Variants in ZNF804B observed in about 807,000 individuals in gnomAD.
The protein encoded by ZNF804B is zinc finger protein 804B.
ZNF804B carries 80 observed loss-of-function variants against 101.4 expected under a neutral mutation model. The ratio of observed to expected loss-of-function variants is 0.79; its 90% confidence interval spans 0.66 to 0.95. The LOEUF is 0.95. Among genes scored for constraint, ZNF804B ranks in the 40% least tolerant of loss-of-function variants. ZNF804B has a pLI of 0.00. For missense variants in ZNF804B, 1,673 were observed against 1,561.9 expected (o/e 1.07, Z -1.20); for synonymous variants, 622 against 558.8 (o/e 1.11, Z -1.59).
intron 1 of ZNF804B, among the ~76,000 whole-genome samples, chr7:88,935,334 A>G (rs1792950276): frequency 1.3e-5 from 2 of 149,614 alleles, no homozygotes; most frequent in Non-Finnish European, 1.5e-5. Flanking sequence ...ACCAAAAACT[A>G]CCTCTACTCA....
chr7:88,882,858 A>T (rs1015514508), intron 1 of ZNF804B, among the ~76,000 whole-genome samples: 3 of 152,066 alleles, frequency 2.0e-5, no homozygotes, highest in Non-Finnish European at 2.9e-5. Flanking sequence ...GGACTATTAC[A>T]GCGGGGAAGG....
intron 1 of ZNF804B, among the ~76,000 whole-genome samples, chr7:89,154,906 A>T (rs1790933816): frequency 6.6e-6 from 1 of 152,012 alleles, no homozygotes; most frequent in Non-Finnish European, 1.5e-5. Flanking sequence ...GTGTTACAGG[A>T]TTTTTTGTAA....
intron 1 of ZNF804B, among the ~76,000 whole-genome samples, chr7:88,881,333 C>A (rs1245525655): frequency 6.6e-6 from 1 of 152,034 alleles, no homozygotes; most frequent in Non-Finnish European, 1.5e-5. Flanking sequence ...GATTATATTG[C>A]TGAGTTAGCA....
At chr7:88,810,783 T>C (rs564403327) in intron 1 of ZNF804B, among the ~76,000 whole-genome samples, 1 of 152,296 alleles carries the variant, frequency 6.6e-6, no homozygotes, top group Admixed American at 6.5e-5. Context: ...AACCTTCCAA[T>C]CTTCAGCATT....
intron 1 of ZNF804B, among the ~76,000 whole-genome samples, chr7:89,073,282 C>T (rs1339969571): frequency 1.3e-5 from 2 of 151,966 alleles, no homozygotes; most frequent in African/African-American, 4.8e-5. Context: ...TAAATTTTCA[C>T]CTTGTATTTT....
chr7:89,273,375 G>T (rs1424890748), intron 2 of ZNF804B, among the ~76,000 whole-genome samples: 1 of 152,058 alleles, frequency 6.6e-6, no homozygotes, highest in African/African-American at 2.4e-5. Context: ...CATCTCAAGG[G>T]TTATAGATGA....
At chr7:88,936,755 A>G (rs1252850675) in intron 1 of ZNF804B, among the ~76,000 whole-genome samples, 1 of 152,056 alleles carries the variant, frequency 6.6e-6, no homozygotes, top group Non-Finnish European at 1.5e-5. Context: ...AGGGAACTTC[A>G]TAAATAGAGT....
At chr7:89,280,968 C>G (rs1790085416) in intron 2 of ZNF804B, among the ~76,000 whole-genome samples, 1 of 152,122 alleles carries the variant, frequency 6.6e-6, no homozygotes, top group South Asian at 2.1e-4. Flanking sequence ...AATCTTTGTT[C>G]TACCATCAGT....
At chr7:89,212,716 G>GTC (rs1788824228) in intron 1 of ZNF804B, among the ~76,000 whole-genome samples, 1 of 152,150 alleles carries the variant, frequency 6.6e-6, no homozygotes, top group Non-Finnish European at 1.5e-5. Flanking sequence ...TGTCTTAGGT[G>GTC]TCTTAGGAGA....
Position 89,336,533 on chromosome 7 carries a change from C to A in ZNF804B, c.3551C>A (p.Ala1184Glu), listed in dbSNP as rs543371024. Residue 1184 changes from alanine (A) to glutamate (E), a missense_variant, in exon 4 of 4, where the codon GCA becomes GAA. Physicochemically the swap from Ala to Glu is moderately radical, Grantham distance 107. Coordinates refer to ENST00000333190, the MANE Select transcript of ZNF804B (RefSeq NM_181646.5). The stretch of plus-strand genomic sequence containing the variant: ...AAGCATCTTCGAGTTTTGCCTGCTG[C>A]AGGGCCTACTGCCTTCTCTCCGGCC... ...LSKHLRVLPA[A>E]GPTAFSPAST... 6.2e-7 allele frequency: 1 copy of A among 1,614,092 alleles called. No individual in the cohort carries two copies. The highest frequency in any genetic ancestry group is 2.2e-5 in the East Asian group (1 of 44,864).
intron 1 of ZNF804B, among the ~76,000 whole-genome samples, chr7:89,008,742 T>A (rs147180695): frequency 2.4e-4 from 37 of 152,232 alleles, no homozygotes; most frequent in African/African-American, 8.4e-4. Flanking sequence ...CATCTTTCAC[T>A]CAGAGCACTG....
At chr7:89,119,216 C>T (rs1036183336) in intron 1 of ZNF804B, among the ~76,000 whole-genome samples, 1 of 152,054 alleles carries the variant, frequency 6.6e-6, no homozygotes, top group Non-Finnish European at 1.5e-5. Context: ...GCATGTCAGG[C>T]TTATCAAGGG....
chr7:89,149,642 C>G (rs1490456566), intron 1 of ZNF804B, among the ~76,000 whole-genome samples: 1 of 151,864 alleles, frequency 6.6e-6, no homozygotes, highest in Admixed American at 6.6e-5. Context: ...AGTTTCATTA[C>G]TTAACATATA....
chr7:88,819,394 G>T (rs1206232777), intron 1 of ZNF804B, among the ~76,000 whole-genome samples: 8 of 152,116 alleles, frequency 5.3e-5, no homozygotes, highest in Admixed American at 5.2e-4. Context: ...GCCTCCCAAA[G>T]TGCTGGAATT....
intron 1 of ZNF804B, among the ~76,000 whole-genome samples, chr7:88,885,575 A>G (rs541180991): frequency 3.3e-5 from 5 of 151,026 alleles, no homozygotes; most frequent in African/African-American, 1.2e-4. Flanking sequence ...ATGCAGATGT[A>G]CAAAGAACAA....
intron 1 of ZNF804B, among the ~76,000 whole-genome samples, chr7:88,894,295 C>A (rs1005418831): frequency 4.0e-5 from 6 of 151,626 alleles, no homozygotes; most frequent in African/African-American, 1.5e-4. Context: ...CTTATTGCAA[C>A]CTCTGCCTCC....
chr7:89,272,122 C>CCATTCTCCCAACATAT (rs1789907969), intron 2 of ZNF804B, among the ~76,000 whole-genome samples: 1 of 152,082 alleles, frequency 6.6e-6, no homozygotes, highest in Middle Eastern at 3.4e-3. Flanking sequence ...GAGAAATTTG[C>CCATTCTCCCAACATAT]CATTCTCCCA....
intron 1 of ZNF804B, among the ~76,000 whole-genome samples, chr7:89,184,212 C>G (rs1484178995): frequency 6.6e-6 from 1 of 152,130 alleles, no homozygotes. Flanking sequence ...CAATCTCACA[C>G]ACACATATTT....
chr7:88,850,474 G>GA (rs888124055), intron 1 of ZNF804B, among the ~76,000 whole-genome samples: 14 of 152,032 alleles, frequency 9.2e-5, no homozygotes, highest in Non-Finnish European at 1.5e-4. Context: ...GAGACTCGTG[G>GA]AAAAAACACC....
Sources: gnomAD v4.1 joint callset for allele counts (sites outside exome capture counted in the v4.1 genomes callset) on GRCh38, gnomAD v4.1.1 for gene constraint, MANE v1.5 for transcripts, NCBI Gene and HGNC (gene_info 2026-07-23, HGNC 2026-07-21) for gene names.